NRG3: variants seen among roughly 807,000 people sequenced by gnomAD.
The protein encoded by NRG3 is pro-neuregulin-3, membrane-bound isoform.
A neutral mutation model predicts 66.9 loss-of-function variants in NRG3; 31 were observed. The ratio of observed to expected loss-of-function variants is 0.46; its 90% CI spans 0.35 to 0.63. The LOEUF is 0.63. Ranked by LOEUF, NRG3 falls within the 20% of genes least tolerant of loss-of-function variation. NRG3 has a pLI of 0.00. For synonymous variants in NRG3, 393 were observed against 359.4 expected, an observed-to-expected ratio of 1.09 and a Z score of -1.06; for missense variants, 910 against 878.9, an observed-to-expected ratio of 1.04 and a Z score of -0.45.
rs752258290 is a variant in NRG3, at chr10:81,997,792, C to T, written c.823+121629C>T. The stretch of plus-strand genomic sequence containing the variant: ...TCTCCTATAATGTGATTTATTTGTA[C>T]GTAATGTCTCCCTAGCTGTGGGGTC... On this transcript the variant is annotated intron_variant, in intron 1 of 8. Transcript: ENST00000372141. Among the ~76,000 whole-genome samples the T allele has an allele frequency of 3.0e-4, 46 of 151,804 alleles. 1 individual carries two copies. Among genetic ancestry groups the T allele is most frequent in the Non-Finnish European group, 6.5e-4 (44 of 67,966 alleles).
intron 3 of NRG3, among the ~76,000 whole-genome samples, chr10:82,763,277 G>A (rs2059395952): frequency 6.6e-6 from 1 of 152,182 alleles, no homozygotes; most frequent in South Asian, 2.1e-4. Context: ...AAAGCACATT[G>A]ATAGGCCACA....
At chr10:82,436,247 A>G (rs1357718378) in intron 2 of NRG3, among the ~76,000 whole-genome samples, 15 of 152,156 alleles carry the variant, frequency 9.9e-5, no homozygotes, top group Non-Finnish European at 2.2e-4. Context: ...CATATTTAGA[A>G]CAGTTAGCTC....
At chr10:82,660,539 G>A (rs376225162) in intron 2 of NRG3, among the ~76,000 whole-genome samples, 10 of 152,108 alleles carry the variant, frequency 6.6e-5, no homozygotes, top group African/African-American at 1.4e-4. Flanking sequence ...ATGTAAAGTG[G>A]CAGTGCTAAT....
intron 4 of NRG3, among the ~76,000 whole-genome samples, chr10:82,905,370 C>G (rs1591902663): frequency 1.3e-5 from 2 of 152,244 alleles, no homozygotes; most frequent in Non-Finnish European, 2.9e-5. Flanking sequence ...TCTTCTTCTT[C>G]TGTGTTGACA....
chr10:82,753,070 G>T (rs2134965289), intron 3 of NRG3, among the ~76,000 whole-genome samples: 1 of 152,158 alleles, frequency 6.6e-6, no homozygotes, highest in African/African-American at 2.4e-5. Context: ...AGACCTTTGG[G>T]TTCTCCTCAT....
At chr10:82,681,319 T>A (rs1011872179) in intron 2 of NRG3, among the ~76,000 whole-genome samples, 2 of 152,230 alleles carry the variant, frequency 1.3e-5, no homozygotes, top group African/African-American at 4.8e-5. Flanking sequence ...CTGGAGATAA[T>A]AATTGACTTA....
At chr10:82,727,725 C>G (rs2057681111) in intron 2 of NRG3, among the ~76,000 whole-genome samples, 1 of 152,202 alleles carries the variant, frequency 6.6e-6, no homozygotes, top group African/African-American at 2.4e-5. Flanking sequence ...AAGAGAGCCA[C>G]TGTCCTCCAG....
At chr10:82,541,745 G>T (rs1178859559) in intron 2 of NRG3, among the ~76,000 whole-genome samples, 1 of 152,044 alleles carries the variant, frequency 6.6e-6, no homozygotes, top group South Asian at 2.1e-4. Context: ...TTGGGCATAA[G>T]ACAATATGAG....
intron 3 of NRG3, among the ~76,000 whole-genome samples, chr10:82,822,739 C>A (rs2062008192): frequency 6.6e-6 from 1 of 151,982 alleles, no homozygotes; most frequent in Non-Finnish European, 1.5e-5. Context: ...GAGGCCAGTT[C>A]CAGTCCCCTC....
chr10:82,239,330 A>G (rs1355190506), intron 1 of NRG3, among the ~76,000 whole-genome samples: 1 of 151,992 alleles, frequency 6.6e-6, no homozygotes, highest in Non-Finnish European at 1.5e-5. Context: ...AAATTTTTGT[A>G]TTTTTAGTAG....
rs530722253 is a variant in NRG3 at position 82,898,474 on chromosome 10, A to G, written c.1054+33037A>G. On this transcript the variant is annotated intron_variant, in intron 4 of 8. Coordinates refer to ENST00000372141, the MANE Select transcript of NRG3 (RefSeq NM_001010848.4). The stretch of plus-strand genomic sequence containing the variant: ...AGGGCCAGCTCAGATCACCCTTTCC[A>G]TGGGTTCTGACTACACAAAAGTAGA... 8.9e-4 allele frequency among the ~76,000 whole-genome samples: 135 copies of G among 152,158 alleles called. 2 individuals carry two copies. The highest frequency in any genetic ancestry group is 8.8e-3 in the Admixed American group (135 of 15,282).
At chr10:82,157,616 G>A (rs1467636071) in intron 1 of NRG3, among the ~76,000 whole-genome samples, 1 of 151,520 alleles carries the variant, frequency 6.6e-6, no homozygotes, top group Non-Finnish European at 1.5e-5. Flanking sequence ...AGGGAGGTCA[G>A]GAAAGTCTGT....
rs147246586 is a variant in NRG3, at chr10:82,580,318, C to T, written c.954-158259C>T. Among the ~76,000 whole-genome samples the T allele has an allele frequency of 2.5e-3, 378 of 151,926 alleles. 1 individual carries two copies. The highest frequency in any genetic ancestry group is 8.5e-3 in the African/African-American group (351 of 41,480). On this transcript the variant is annotated intron_variant, in intron 2 of 8. Transcript: ENST00000372141. ...TTTACAGAAAAGTTGAGCCCAAATA[C>T]AGAGTTCCTATATAATCACTCCCCC...
At chr10:82,456,253 C>T (rs1001401818) in intron 2 of NRG3, among the ~76,000 whole-genome samples, 9 of 151,144 alleles carry the variant, frequency 6.0e-5, no homozygotes, top group Admixed American at 5.3e-4. Context: ...AAGTGATCCT[C>T]CTCTGGCTCC....
chr10:81,886,072 A>G (rs1011452406), intron 1 of NRG3, among the ~76,000 whole-genome samples: 1 of 152,136 alleles, frequency 6.6e-6, no homozygotes, highest in African/African-American at 2.4e-5. Context: ...GGCTTAATAC[A>G]TAGGTGATGG....
rs2219938 is a variant in NRG3 at position 82,635,627 on chromosome 10, C to A, written c.954-102950C>A. ...TATTATTATTGTTATCTGTCCTCGACGTAGCAGAAGCTAAATACATTTTTT... is the reference window on the plus strand; with the variant it reads ...TATTATTATTGTTATCTGTCCTCGAAGTAGCAGAAGCTAAATACATTTTTT... On this transcript the variant is annotated intron_variant, in intron 2 of 8. Transcript: ENST00000372141. Among the ~76,000 whole-genome samples, 67 of 152,002 alleles carry A rather than the reference C, an allele frequency of 4.4e-4. 1 individual carries two copies. The highest frequency in any genetic ancestry group is 2.5e-3 in the Admixed American group (38 of 15,254).
intron 4 of NRG3, among the ~76,000 whole-genome samples, chr10:82,867,919 G>C (rs775918005): frequency 2.0e-5 from 3 of 152,148 alleles, no homozygotes; most frequent in Non-Finnish European, 4.4e-5. Flanking sequence ...GGAGGTGTGA[G>C]CATCAGTACT....
At chr10:82,053,136 T>A (rs146531288) in intron 1 of NRG3, among the ~76,000 whole-genome samples, 187 of 151,590 alleles carry the variant, frequency 1.2e-3, no homozygotes, top group African/African-American at 4.2e-3. Context: ...TTTGATTATT[T>A]TTTTTTTTAA....
chr10:81,952,093 G>C (rs540850247), intron 1 of NRG3, among the ~76,000 whole-genome samples: 2 of 152,184 alleles, frequency 1.3e-5, no homozygotes, highest in South Asian at 2.1e-4. Context: ...GCCTGTTGTG[G>C]GGTGGGGGAA....
Sources: gnomAD v4.1 joint callset for allele counts (sites outside exome capture counted in the v4.1 genomes callset) on GRCh38, gnomAD v4.1.1 for gene constraint, MANE v1.5 for transcripts, NCBI Gene and HGNC (gene_info 2026-07-23, HGNC 2026-07-21) for gene names.